Variants in KLHL23 observed in about 807,000 individuals in gnomAD.
The protein encoded by KLHL23 is kelch like family member 23.
A neutral mutation model predicts 48.9 loss-of-function variants in KLHL23; 33 were observed. The ratio of observed to expected loss-of-function variants is 0.67; its 90% confidence interval spans 0.51 to 0.90. The LOEUF (loss-of-function observed/expected upper bound fraction) is 0.90, where lower values mean the gene tolerates loss of function less well. Ranked by LOEUF, KLHL23 falls within the 40% of genes least tolerant of loss-of-function variation. The pLI, the probability that KLHL23 is intolerant of heterozygous loss-of-function variation, is 0.00. For synonymous variants in KLHL23, 234 were observed against 231.6 expected, an observed-to-expected ratio of 1.01 and a Z score of -0.09; for missense variants, 608 against 669.6, an observed-to-expected ratio of 0.91 and a Z score of 1.02.
At chr2:169,741,329 C>T in intron 2 of KLHL23, 56 bp from the exon 3 acceptor site, 2 of 1,553,086 alleles carry the variant, frequency 1.3e-6, no homozygotes, top group Non-Finnish European at 1.7e-6. Context: ...GCCCAGGGTT[C>T]ACTGCAAAAA....
chr2:169,743,650 T>G (rs1688726303), intron 3 of KLHL23, among the ~76,000 whole-genome samples: 1 of 152,256 alleles, frequency 6.6e-6, no homozygotes, highest in Non-Finnish European at 1.5e-5. Context: ...GCCTTGGATG[T>G]ATTCCTTCTA....
Position 169,735,148 on chromosome 2 carries a change from G to T in KLHL23, c.134G>T (p.Gly45Val). The T allele has an allele frequency of 6.2e-7, 1 of 1,613,328 alleles. No individual in the cohort carries two copies. Among genetic ancestry groups the T allele is most frequent in the Non-Finnish European group, 8.5e-7 (1 of 1,179,880 alleles). ...FTDITLQCPS[G>V]IIFHCHRAVL... ...GATATTACTCTTCAGTGTCCTTCAG[G>T]CATAATTTTCCATTGTCACCGAGCC... Residue 45 changes from glycine (G) to valine (V), a missense_variant, in exon 2 of 4, where the codon GGC becomes GTC. This residue lies in a region of KLHL23 where 419 missense variants were observed against 473.1 expected (regional missense o/e 0.89). Transcript: ENST00000392647. The surrounding 1 kb of genome is among the most constrained non-coding windows in gnomAD (Gnocchi z 4.5).
intron 1 of KLHL23, among the ~76,000 whole-genome samples, chr2:169,734,676 G>T (rs942037969): frequency 6.6e-6 from 1 of 152,208 alleles, no homozygotes; most frequent in East Asian, 1.9e-4. Context: ...CCGGCCTCGA[G>T]TGGGGTGACC....
At chr2:169,737,314 G>A (rs1688541925) in intron 2 of KLHL23, among the ~76,000 whole-genome samples, 1 of 152,206 alleles carries the variant, frequency 6.6e-6, no homozygotes, top group African/African-American at 2.4e-5. Context: ...GGACATGTCA[G>A]CTCTTATAGA....
chr2:169,744,644 C>G (rs577801368), intron 3 of KLHL23, among the ~76,000 whole-genome samples: 1 of 150,706 alleles, frequency 6.6e-6, no homozygotes, highest in Non-Finnish European at 1.5e-5. Context: ...CCGCAACATC[C>G]GCATCCCAGG....
chr2:169,751,379 C>T lies in KLHL23; in HGVS notation c.*1647C>T, dbSNP rs1688965453. 1.3e-5 allele frequency: 2 copies of T among 152,124 alleles called. No individual in the cohort carries two copies. Among genetic ancestry groups the T allele is most frequent in the African/African-American group, 4.8e-5 (2 of 41,408 alleles). 9.4% of individuals were successfully genotyped at this position (152,124 alleles called of 1,614,324 possible). A position where few individuals can be genotyped will look rare whatever the true frequency, so the allele number is the denominator to read the frequency against. On this transcript the variant is annotated 3_prime_UTR_variant, in exon 4 of 4. Coordinates refer to ENST00000392647, the MANE Select transcript of KLHL23 (RefSeq NM_144711.6). ...AAAATTTAGAAGGAAAATTTTAATG[C>T]ATTTATTTCAGATGGCGTTTTAAAT...
intron 2 of KLHL23, among the ~76,000 whole-genome samples, chr2:169,740,766 T>TTTTATATATATATATATATATATATATA (rs1553477016): frequency 8.5e-4 from 106 of 125,398 alleles, no homozygotes; most frequent in East Asian, 1.8e-3. Flanking sequence ...CTTTTTTATA[T>TTTTATATATATATATATATATATATATA]TATATATATA....
At position 169,740,691 on chromosome 2, in the gene KLHL23, A is replaced by G. The variant is rs1318348737; in HGVS notation, c.1214-694A>G. ...TCTCAATCTCCTGACCTCGTGATCCACCCACCTTGACCTCCCAAAGTGCTG... is the reference window on the plus strand; with the variant it reads ...TCTCAATCTCCTGACCTCGTGATCCGCCCACCTTGACCTCCCAAAGTGCTG... On this transcript the variant is annotated intron_variant, in intron 2 of 3. Coordinates refer to ENST00000392647, the MANE Select transcript of KLHL23 (RefSeq NM_144711.6). 2.7e-5 allele frequency among the ~76,000 whole-genome samples: 4 copies of G among 148,746 alleles called. No individual in the cohort carries two copies. The East Asian group carries it at 7.9e-4, about 29-fold the overall frequency.
In KLHL23 at chr2:169,738,978, C is replaced by G. The variant is rs1214030889; in HGVS notation, c.1214-2407C>G. On this transcript the variant is annotated intron_variant, in intron 2 of 3. Transcript: ENST00000392647. ...CCCTCCTCCCTCTCCTCCCCCTTCC[C>G]CTCCCCCTCCCCCTCCTCCCCTTCC... 1.1e-3 allele frequency among the ~76,000 whole-genome samples: 5 copies of G among 4,686 alleles called. 1 individual carries two copies. The highest frequency in any genetic ancestry group is 6.5e-3 in the East Asian group (1 of 154). The allele number at this position is 4,686 out of a possible 152,430, so 3.1% of individuals were successfully genotyped here.
chr2:169,735,174 G>A lies in KLHL23; in HGVS notation c.160G>A (p.Val54Ile), dbSNP rs199507852. 48 of 1,612,274 alleles carry A rather than the reference G, an allele frequency of 3.0e-5. No homozygotes were observed. The highest frequency in any genetic ancestry group is 4.0e-5 in the African/African-American group (3 of 74,934). ...CATAATTTTCCATTGTCACCGAGCC[G>A]TTTTAGCTGCTTGCAGCAATTATTT... ...SGIIFHCHRA[V>I]LAACSNYFKA... Residue 54 changes from valine (V) to isoleucine (I), a missense_variant, in exon 2 of 4, where the codon GTT (valine) becomes ATT (isoleucine). Physicochemically the swap from Val to Ile is conservative, Grantham distance 29. Around this residue, in one of 3 missense-constraint regions of KLHL23, gnomAD observed 419 missense variants for 473.1 expected, o/e 0.89. Coordinates refer to ENST00000392647, the MANE Select transcript of KLHL23 (RefSeq NM_144711.6). This position sits in a 1 kb window ranked among gnomAD's most constrained non-coding sequence, Gnocchi z 4.5.
Position 169,734,099 on chromosome 2 carries a change from GT to G in KLHL23, c.-3+13del. On this transcript the variant is annotated intron_variant, in intron 1 of 3. Transcript: ENST00000392647. ...AGCCCCGGCGGGAGGTAGGTGCGGT[GT>G]GGACCCGCAGCCCGAGGCCGGCCTG... is the stretch of plus-strand genomic sequence containing the variant. 1 of 147,022 alleles carries G rather than the reference GT, an allele frequency of 6.8e-6. No homozygotes were observed. 9.1% of individuals were successfully genotyped at this position (147,022 alleles called of 1,614,324 possible). A position where few individuals can be genotyped will look rare whatever the true frequency, so the allele number is the denominator to read the frequency against.
intron 3 of KLHL23, 67 bp from the exon 4 acceptor site, chr2:169,749,355 C>G: frequency 7.0e-7 from 1 of 1,430,710 alleles, no homozygotes; most frequent in Non-Finnish European, 9.3e-7. Context: ...TACATTACCA[C>G]ACTGTGGAAT....
chr2:169,736,413 T>C (rs972221773), intron 2 of KLHL23, among the ~76,000 whole-genome samples, 186 bp downstream of exon 2: 5 of 152,224 alleles, frequency 3.3e-5, no homozygotes, highest in African/African-American at 9.6e-5. Context: ...CTGAGAGTTA[T>C]GAGAATTTAT....
intron 3 of KLHL23, among the ~76,000 whole-genome samples, chr2:169,743,220 T>C (rs1688717430): frequency 1.3e-5 from 2 of 152,208 alleles, no homozygotes; most frequent in Non-Finnish European, 2.9e-5. Flanking sequence ...CAGTTATTTA[T>C]ATTATAAATT....
intron 1 of KLHL23, 109 bp downstream of exon 1, chr2:169,734,196 AGGCCGCGCGGGAGAGGAGCGCAGACAAT>A (rs964921373): frequency 2.9e-5 from 4 of 139,132 alleles, no homozygotes; most frequent in Non-Finnish European, 6.5e-5. Flanking sequence ...GCGGGCAGCG[AGGCCGCGCGGGAGAGGAGCGCAGACAAT>A]GGCCGCGCGG....
intron 3 of KLHL23, among the ~76,000 whole-genome samples, chr2:169,744,318 C>T (rs781417995): frequency 2.0e-5 from 3 of 152,124 alleles, no homozygotes; most frequent in Non-Finnish European, 2.9e-5. Flanking sequence ...ATGCTTCCAA[C>T]GGTAGGTGGT....
At chr2:169,741,574 A>G in intron 3 of KLHL23, 37 bp downstream of exon 3, 17 of 1,575,674 alleles carry the variant, frequency 1.1e-5, no homozygotes, top group Non-Finnish European at 1.4e-5. Context: ...GTATGTTGTG[A>G]TGTAGTTTAG....
chr2:169,743,540 A>C (rs1267771589), intron 3 of KLHL23, among the ~76,000 whole-genome samples: 1 of 152,240 alleles, frequency 6.6e-6, no homozygotes, highest in African/African-American at 2.4e-5. Context: ...CAGTCCTTAA[A>C]ATATTTTTGA....
intron 3 of KLHL23, among the ~76,000 whole-genome samples, chr2:169,742,354 A>T (rs1397211731): frequency 6.6e-6 from 1 of 152,218 alleles, no homozygotes; most frequent in Non-Finnish European, 1.5e-5. Flanking sequence ...TAAGCACTTC[A>T]TATGTGTATT....
Sources: gnomAD v4.1 joint callset for allele counts (sites outside exome capture counted in the v4.1 genomes callset) on GRCh38, gnomAD v4.1.1 for gene constraint, gnomAD v4.1.1 regional missense constraint, Gnocchi (gnomAD v3.1) non-coding constraint, MANE v1.5 for transcripts, NCBI Gene and HGNC (gene_info 2026-07-23, HGNC 2026-07-21) for gene names.